CLVS1: variants seen among roughly 807,000 people sequenced by gnomAD.
CLVS1 encodes clavesin-1.
A neutral mutation model predicts 33.1 loss-of-function variants in CLVS1; 10 were observed. That is an observed-to-expected ratio of 0.30 (90% confidence interval 0.19 to 0.51). CLVS1 has a LOEUF of 0.51. Among genes scored for constraint, CLVS1 ranks in the 20% least tolerant of loss-of-function variants. CLVS1 has a pLI of 0.97. For synonymous variants in CLVS1, 163 were observed against 166.1 expected, an observed-to-expected ratio of 0.98 and a Z score of 0.14; for missense variants, 343 against 433.4, an observed-to-expected ratio of 0.79 and a Z score of 1.85.
intron 1 of CLVS1, among the ~76,000 whole-genome samples, chr8:61,085,121 G>A (rs1805094698): frequency 6.6e-6 from 1 of 152,182 alleles, no homozygotes; most frequent in South Asian, 2.1e-4. Context: ...AAATGATGCA[G>A]GTATTTGGAA....
At chr8:61,157,454 G>A (rs13264358) in intron 2 of CLVS1, among the ~76,000 whole-genome samples, 51,902 of 151,726 alleles carry the variant, frequency 0.34, 11,721 homozygotes, top group Middle Eastern at 0.52. Flanking sequence ...TAAAATATAG[G>A]GTTAGCTTTA....
chr8:61,370,258 G>A (rs1813378602), intron 2 of CLVS1: 1 of 152,068 alleles, frequency 6.6e-6, no homozygotes, highest in South Asian at 2.1e-4. Flanking sequence ...GTGGTGTTCG[G>A]TTACATGGAT....
the CLVS1 span, among the ~76,000 whole-genome samples, chr8:60,995,208 A>G: frequency 2.6e-5 from 4 of 152,216 alleles, no homozygotes; most frequent in African/African-American, 9.7e-5. Context: ...AGAAACTACC[A>G]TCAGAGTGAA....
intron 2 of CLVS1, among the ~76,000 whole-genome samples, chr8:61,191,868 A>C (rs1458832812): frequency 6.6e-6 from 1 of 152,186 alleles, no homozygotes; most frequent in African/African-American, 2.4e-5. Flanking sequence ...TGCTCCACAA[A>C]ATAAAAGAGG....
At chr8:61,258,180 CA>C (rs1809126582) in intron 2 of CLVS1, among the ~76,000 whole-genome samples, 1 of 152,114 alleles carries the variant, frequency 6.6e-6, no homozygotes, top group Admixed American at 6.6e-5. Flanking sequence ...ATTTTAATAG[CA>C]AAAGCCTTTA....
chr8:61,228,601 T>C (rs761213364), intron 2 of CLVS1, among the ~76,000 whole-genome samples: 2 of 152,244 alleles, frequency 1.3e-5, no homozygotes, highest in Non-Finnish European at 2.9e-5. Flanking sequence ...TTTGTTTTTA[T>C]GAGTTCTACT....
intron 2 of CLVS1, among the ~76,000 whole-genome samples, chr8:61,307,054 A>G (rs985359164): frequency 3.9e-5 from 6 of 152,222 alleles, no homozygotes; most frequent in African/African-American, 1.4e-4. Flanking sequence ...TAAGAAATGA[A>G]TGGGGGGTTG....
chr8:61,104,163 A>G (rs1225654534), intron 1 of CLVS1, among the ~76,000 whole-genome samples: 1 of 152,230 alleles, frequency 6.6e-6, no homozygotes, highest in East Asian at 1.9e-4. Flanking sequence ...TCATCCTTGC[A>G]AAATCCTAGA....
chr8:61,083,826 A>T (rs1805070246), intron 1 of CLVS1, among the ~76,000 whole-genome samples: 1 of 152,188 alleles, frequency 6.6e-6, no homozygotes, highest in Non-Finnish European at 1.5e-5. Flanking sequence ...TCCTGCGTTG[A>T]AGAAATTTAT....
At chr8:61,002,123 C>A in the CLVS1 span, among the ~76,000 whole-genome samples, 2 of 151,586 alleles carry the variant, frequency 1.3e-5, no homozygotes, top group African/African-American at 4.9e-5. Context: ...GGACTACAGG[C>A]ATATGTTACC....
the CLVS1 span, among the ~76,000 whole-genome samples, chr8:60,975,103 G>A: frequency 6.6e-6 from 1 of 152,076 alleles, no homozygotes; most frequent in African/African-American, 2.4e-5. Context: ...CCCTTGGAAT[G>A]GGGAAAAAGG....
At chr8:61,219,306 C>G (rs1435404511) in intron 2 of CLVS1, among the ~76,000 whole-genome samples, 2 of 152,054 alleles carry the variant, frequency 1.3e-5, no homozygotes, top group African/African-American at 4.8e-5. Flanking sequence ...TCTCACTTCC[C>G]CCCACCAACA....
chr8:61,339,216 G>A (rs1005259695), intron 2 of CLVS1, among the ~76,000 whole-genome samples: 8 of 152,120 alleles, frequency 5.3e-5, no homozygotes, highest in Non-Finnish European at 2.9e-5. Context: ...AACAGGAGAA[G>A]CATGGTGGTC....
intron 2 of CLVS1, among the ~76,000 whole-genome samples, chr8:61,330,360 T>G (rs1027005901): frequency 7.9e-5 from 12 of 151,906 alleles, no homozygotes; most frequent in African/African-American, 2.9e-4. Context: ...CAAATAAGAG[T>G]GTGGGACCCC....
chr8:61,270,949 T>A (rs1005637361), intron 2 of CLVS1, among the ~76,000 whole-genome samples: 1 of 151,768 alleles, frequency 6.6e-6, no homozygotes, highest in African/African-American at 2.4e-5. Context: ...ATTTTGTTGA[T>A]CCTGTCAAAA....
chr8:61,144,197 C>T (rs1255945739), intron 2 of CLVS1, among the ~76,000 whole-genome samples: 3 of 152,104 alleles, frequency 2.0e-5, no homozygotes, highest in Non-Finnish European at 4.4e-5. Context: ...CTATCCTCCT[C>T]CTAGACCTCC....
At chr8:61,437,663 T>C (rs1816384962) in intron 3 of CLVS1, among the ~76,000 whole-genome samples, 1 of 152,214 alleles carries the variant, frequency 6.6e-6, no homozygotes, top group Non-Finnish European at 1.5e-5. Flanking sequence ...GTTCATTCTG[T>C]TCCAATAACA....
At chr8:61,251,308 G>C (rs1166909040) in intron 2 of CLVS1, among the ~76,000 whole-genome samples, 1 of 152,122 alleles carries the variant, frequency 6.6e-6, no homozygotes, top group Non-Finnish European at 1.5e-5. Context: ...CGCTGGATTT[G>C]CTTTGCCAGT....
At chr8:61,114,351 G>T (rs1805680491) in intron 1 of CLVS1, among the ~76,000 whole-genome samples, 1 of 152,192 alleles carries the variant, frequency 6.6e-6, no homozygotes, top group Non-Finnish European at 1.5e-5. Flanking sequence ...ATTCAGTAAA[G>T]CATCATCTAC....
Sources: allele counts gnomAD v4.1 joint callset (sites outside exome capture counted in the v4.1 genomes callset), GRCh38; gene constraint gnomAD v4.1.1; transcripts MANE v1.5; gene names NCBI Gene and HGNC (gene_info 2026-07-23, HGNC 2026-07-21).